VPS13B: variants seen among roughly 807,000 people sequenced by gnomAD.
VPS13B encodes the protein intermembrane lipid transfer protein VPS13B.
A neutral mutation model predicts 426.4 loss-of-function variants in VPS13B; 285 were observed. That is an observed-to-expected ratio of 0.67 (90% CI 0.61 to 0.74). VPS13B has a LOEUF of 0.74. Ranked by LOEUF, VPS13B falls within the 30% of genes least tolerant of loss-of-function variation. The pLI is 0.00. For missense variants in VPS13B, 4,537 were observed against 4,782.6 expected, an observed-to-expected ratio of 0.95 and a Z score of 1.51; for synonymous variants, 1,676 against 1,676.4, an observed-to-expected ratio of 1.00 and a Z score of 0.01.
At chr8:99,078,765 C>T (rs1845276703) in intron 3 of VPS13B, among the ~76,000 whole-genome samples, 1 of 152,014 alleles carries the variant, frequency 6.6e-6, no homozygotes, top group Non-Finnish European at 1.5e-5. Context: ...ACCATTGGGT[C>T]TCCAGTGGCA....
chr8:99,061,690 G>A (rs753016110), intron 3 of VPS13B, among the ~76,000 whole-genome samples: 3 of 151,866 alleles, frequency 2.0e-5, no homozygotes, highest in Non-Finnish European at 4.4e-5. Flanking sequence ...ACTTATCAAT[G>A]TCTACTTTGA....
intron 25 of VPS13B, among the ~76,000 whole-genome samples, chr8:99,496,175 A>G (rs1459610825): frequency 6.6e-6 from 1 of 152,206 alleles, no homozygotes; most frequent in African/African-American, 2.4e-5. Flanking sequence ...CATTGGTTTT[A>G]AAGATAAATA....
intron 33 of VPS13B, among the ~76,000 whole-genome samples, chr8:99,623,178 C>A (rs912122825): frequency 2.0e-5 from 3 of 152,162 alleles, no homozygotes; most frequent in Admixed American, 6.5e-5. Context: ...TCACACTGAC[C>A]TCCTTGCTGT....
intron 39 of VPS13B, among the ~76,000 whole-genome samples, chr8:99,763,447 G>A (rs1811051361): frequency 6.6e-6 from 1 of 152,104 alleles, no homozygotes; most frequent in South Asian, 2.1e-4. Context: ...TTCCCTCAAG[G>A]AATGTGTCCA....
At chr8:99,106,444 A>AC (rs1212811381) in intron 5 of VPS13B, among the ~76,000 whole-genome samples, 2 of 150,780 alleles carry the variant, frequency 1.3e-5, no homozygotes, top group Non-Finnish European at 3.0e-5. Context: ...CAAAAAAAAA[A>AC]AAAAAAAAAA....
rs1279029566 is a variant in VPS13B at position 99,290,657 on chromosome 8, T to TA, written c.2824+15415dup. ...TACCCTAGAACTTAAAGTATAATAATAAAAAAAAAAAAGAAAAAAAAGGTA... is the reference window on the plus strand; with the variant it reads ...TACCCTAGAACTTAAAGTATAATAATAAAAAAAAAAAAAGAAAAAAAAGGTA... On this transcript the variant is annotated intron_variant, in intron 19 of 61. Transcript: ENST00000357162. 1.8e-3 allele frequency among the ~76,000 whole-genome samples: 177 copies of TA among 99,940 alleles called. 1 individual carries two copies. The highest frequency in any genetic ancestry group is 2.7e-3 in the Non-Finnish European group (121 of 45,574). The allele number at this position is 99,940 out of a possible 152,430, so 65.6% of individuals were successfully genotyped here.
At position 99,699,836 on chromosome 8, in the gene VPS13B, A is replaced by G. The variant is rs748059850; in HGVS notation, c.6358A>G (p.Met2120Val). The change falls in exon 36 of 62, where the codon ATG (methionine) becomes GTG (valine). Residue 2120 changes from methionine to valine, a missense_variant. By Grantham distance (21) the Met-to-Val change is conservative. Transcript: ENST00000357162. ...TCAAACTACTCAGATTGTGATCTCC[A>G]TGGAAACTGTACCCCATACCAGCAA... ...SVQTTQIVISMETVPHTSKPC... is the reference protein window; with the variant it reads ...SVQTTQIVISVETVPHTSKPC... 2 of 1,613,940 alleles carry G rather than the reference A, an allele frequency of 1.2e-6. No individual in the cohort carries two copies. Among genetic ancestry groups the G allele is most frequent in the South Asian group, 1.1e-5 (1 of 91,040 alleles).
intron 2 of VPS13B, among the ~76,000 whole-genome samples, chr8:99,027,722 T>C (rs1329787028): frequency 1.3e-5 from 2 of 150,902 alleles, no homozygotes; most frequent in Non-Finnish European, 3.0e-5. Context: ...CTGTTAGTTT[T>C]TTTTATTTTT....
chr8:99,862,544 A>T (rs1284503532), intron 58 of VPS13B, among the ~76,000 whole-genome samples: 1 of 152,232 alleles, frequency 6.6e-6, no homozygotes, highest in African/African-American at 2.4e-5. Context: ...AAAATTTATG[A>T]AAAGGAAGCT....
At chr8:99,330,071 C>A (rs1810473908) in intron 19 of VPS13B, among the ~76,000 whole-genome samples, 1 of 151,834 alleles carries the variant, frequency 6.6e-6, no homozygotes, top group African/African-American at 2.4e-5. Flanking sequence ...TATATTAACT[C>A]ATTTGAGATG....
Position 99,871,670 on chromosome 8 carries a change from G to C in VPS13B, c.11718G>C (p.Lys3906Asn). 1.2e-6 allele frequency: 2 copies of C among 1,614,008 alleles called. No homozygotes were observed. The highest frequency in any genetic ancestry group is 1.7e-6 in the Non-Finnish European group (2 of 1,180,042). ...KQNNLLTVQL[K>N]QPRVACDVEV... is the part of the protein sequence containing the mutation. ...ACAACTTACTCACAGTGCAGCTCAA[G>C]CAGCCAAGAGTGGCCTGTGATGTGG... The change falls in exon 61 of 62, where the codon AAG (lysine) becomes AAC (asparagine). Residue 3906 changes from lysine to asparagine, a missense_variant. Lys to Asn is a moderately conservative substitution (Grantham distance 94). Coordinates refer to ENST00000357162, the MANE Select transcript of VPS13B (RefSeq NM_152564.5).
intron 19 of VPS13B, among the ~76,000 whole-genome samples, chr8:99,333,776 TA>T (rs1366484919): frequency 8.6e-5 from 13 of 152,010 alleles, no homozygotes; most frequent in Non-Finnish European, 1.3e-4. Flanking sequence ...TCATGTAATA[TA>T]TAACCTTTCT....
chr8:99,751,340 A>T, intron 39 of VPS13B, among the ~76,000 whole-genome samples: 1 of 152,172 alleles, frequency 6.6e-6, no homozygotes, highest in East Asian at 1.9e-4. Flanking sequence ...TGAGAAGAAG[A>T]TCTCTTCCAC....
chr8:99,232,116 C>T (rs768306944), intron 17 of VPS13B, among the ~76,000 whole-genome samples: 7 of 149,818 alleles, frequency 4.7e-5, no homozygotes, highest in Non-Finnish European at 7.4e-5. Context: ...TGGGCGGGGG[C>T]GAGGGTGGTG....
At chr8:99,484,537 A>G (rs1820198756) in intron 25 of VPS13B, among the ~76,000 whole-genome samples, 1 of 152,144 alleles carries the variant, frequency 6.6e-6, no homozygotes, top group Admixed American at 6.5e-5. Context: ...TTTGTTTTTC[A>G]TAAAGGGCAG....
chr8:99,629,381 A>G (rs553637538), intron 33 of VPS13B, among the ~76,000 whole-genome samples: 9 of 152,326 alleles, frequency 5.9e-5, no homozygotes, highest in African/African-American at 2.2e-4. Context: ...CCCAAGATTT[A>G]CAGAAGTGGA....
chr8:99,581,227 A>T (rs1242442574), intron 33 of VPS13B, among the ~76,000 whole-genome samples: 1 of 152,130 alleles, frequency 6.6e-6, no homozygotes, highest in Admixed American at 6.5e-5. Context: ...GTATTAGTGG[A>T]GGAAACATCT....
intron 39 of VPS13B, among the ~76,000 whole-genome samples, chr8:99,742,896 C>T (rs1343240912): frequency 1.3e-5 from 2 of 152,162 alleles, no homozygotes; most frequent in African/African-American, 2.4e-5. Flanking sequence ...ACTGGAAGCA[C>T]TCTGTTTGAA....
chr8:99,853,664 G>T lies in VPS13B; in HGVS notation c.10275G>T (p.Gly3425=), dbSNP rs561934198. Residue 3425 remains glycine, a synonymous_variant, in exon 56 of 62, where the codon GGG becomes GGT. Coordinates refer to ENST00000357162, the MANE Select transcript of VPS13B (RefSeq NM_152564.5). ...FELYCVEICC[G]DLQLDNQLYN... ...TTTACTGTGTGGAGATCTGCTGTGGGGACCTGCAGCTAGACAACCAGCTTT... is the reference window on the plus strand; with the variant it reads ...TTTACTGTGTGGAGATCTGCTGTGGTGACCTGCAGCTAGACAACCAGCTTT... The T allele has an allele frequency of 6.2e-7, 1 of 1,613,874 alleles. No homozygotes were observed. Among genetic ancestry groups the T allele is most frequent in the African/African-American group, 1.3e-5 (1 of 74,834 alleles).
Sources: gnomAD v4.1 joint callset for allele counts (sites outside exome capture counted in the v4.1 genomes callset) on GRCh38, gnomAD v4.1.1 for gene constraint, MANE v1.5 for transcripts, NCBI Gene and HGNC (gene_info 2026-07-23, HGNC 2026-07-21) for gene names.